TRIP12: variants seen among roughly 807,000 people sequenced by gnomAD.
TRIP12 encodes the protein thyroid hormone receptor interactor 12.
In TRIP12, 25 loss-of-function variants were observed where a neutral mutation model predicts 244.2. The ratio of observed to expected loss-of-function variants is 0.10; its 90% CI spans 0.07 to 0.14. The LOEUF (loss-of-function observed/expected upper bound fraction) is 0.14, where lower values mean the gene tolerates loss of function less well. Ranked by LOEUF, TRIP12 falls within the 10% of genes least tolerant of loss-of-function variation. TRIP12 has a pLI of 1.00. For missense variants in TRIP12, 1,677 were observed against 2,486.4 expected (o/e 0.67, Z 6.92); for synonymous variants, 905 against 873.1 (o/e 1.04, Z -0.64).
chr2:229,874,060 CAG>C (rs2063170530), intron 2 of TRIP12, among the ~76,000 whole-genome samples: 1 of 150,062 alleles, frequency 6.7e-6, no homozygotes, highest in Admixed American at 6.6e-5. Context: ...AAAAAAAAAA[CAG>C]AAAAAAAATT....
At chr2:229,892,786 A>C (rs572742468) in intron 1 of TRIP12, among the ~76,000 whole-genome samples, 1 of 152,222 alleles carries the variant, frequency 6.6e-6, no homozygotes, top group South Asian at 2.1e-4. Flanking sequence ...GGATTGCTTG[A>C]GCCCAGGAGA....
At chr2:229,792,916 T>C in intron 27 of TRIP12, 57 bp downstream of exon 27, 3 of 1,525,644 alleles carry the variant, frequency 2.0e-6, no homozygotes, top group Non-Finnish European at 2.7e-6. Flanking sequence ...TAACTCTTAA[T>C]GTAAATTTCT....
chr2:229,814,396 T>C, intron 11 of TRIP12, 71 bp from the exon 12 acceptor site: 2 of 1,452,082 alleles, frequency 1.4e-6, no homozygotes, highest in Non-Finnish European at 1.9e-6. Flanking sequence ...CTTCTACATA[T>C]TTTCTCTAAT....
upstream of TRIP12, chr2:229,922,281 C>T (rs1040050161): frequency 1.3e-5 from 7 of 552,330 alleles, no homozygotes; most frequent in Admixed American, 3.2e-5. Flanking sequence ...TCACCCCCTC[C>T]CCTCCGTGGT....
chr2:229,814,977 A>G, intron 11 of TRIP12, 122 bp downstream of exon 11: 1 of 726,632 alleles, frequency 1.4e-6, no homozygotes. Flanking sequence ...GATCTGCTGG[A>G]CATAAAACAT....
chr2:229,805,943 C>T (rs2154273660), intron 17 of TRIP12, 60 bp from the exon 18 acceptor site: 1 of 1,365,198 alleles, frequency 7.3e-7, no homozygotes. Context: ...TACCTTAAGA[C>T]ACAGTGGGGA....
chr2:229,837,062 T>G, intron 5 of TRIP12, 78 bp from the exon 6 acceptor site: 1 of 1,339,314 alleles, frequency 7.5e-7, no homozygotes, highest in African/African-American at 1.5e-5. Flanking sequence ...AAGCTCAAAT[T>G]CATGGAGCAC....
chr2:229,875,607 G>C (rs897237585), intron 2 of TRIP12, among the ~76,000 whole-genome samples: 1 of 152,198 alleles, frequency 6.6e-6, no homozygotes, highest in African/African-American at 2.4e-5. Flanking sequence ...GCTATACAAA[G>C]TTGAGCAAGC....
chr2:229,822,994 T>C (rs2050485975), intron 8 of TRIP12, among the ~76,000 whole-genome samples: 1 of 152,078 alleles, frequency 6.6e-6, no homozygotes, highest in South Asian at 2.1e-4. Context: ...AACTGATCAA[T>C]AGGAAGTTTT....
chr2:229,869,416 G>A (rs956969807), intron 2 of TRIP12, among the ~76,000 whole-genome samples: 8 of 152,176 alleles, frequency 5.3e-5, no homozygotes, highest in Non-Finnish European at 8.8e-5. Flanking sequence ...GAGACCACAT[G>A]TCAAAGACAA....
intron 16 of TRIP12, 64 bp downstream of exon 16, chr2:229,808,188 G>A (rs1379811883): frequency 8.2e-6 from 10 of 1,216,472 alleles, no homozygotes; most frequent in East Asian, 2.3e-5. Context: ...GGCTGGTCTC[G>A]AACTCCTGAC....
intron 1 of TRIP12, among the ~76,000 whole-genome samples, chr2:229,884,442 G>A (rs534407): frequency 0.47 from 71,047 of 151,268 alleles, 17,591 homozygotes; most frequent in East Asian, 0.68. Flanking sequence ...TCATCTTGTT[G>A]GCCAGGCTGG....
rs560277151 is a variant in TRIP12, at chr2:229,773,044, A to T, written c.5694+1053T>A. Among the ~76,000 whole-genome samples, 4 of 152,274 alleles carry T rather than the reference A, an allele frequency of 2.6e-5. No homozygotes were observed. The South Asian group carries it at 8.3e-4, about 32-fold the overall frequency. ...ATAAAATTATTTTCCTGAATTTAGC[A>T]AATATAGTCAAGCATCACAAATTAA... On this transcript the variant is annotated intron_variant, in intron 38 of 41. Transcript: ENST00000675903.
At chr2:229,794,217 T>A (rs1575088995) in intron 26 of TRIP12, among the ~76,000 whole-genome samples, 1 of 152,158 alleles carries the variant, frequency 6.6e-6, no homozygotes, top group Non-Finnish European at 1.5e-5. Flanking sequence ...CAAAAATGCA[T>A]ATGGTTTTTA....
chr2:229,848,060 T>C (rs2057938800), intron 4 of TRIP12, among the ~76,000 whole-genome samples: 1 of 152,008 alleles, frequency 6.6e-6, no homozygotes, highest in South Asian at 2.1e-4. Flanking sequence ...TTTGAAACAA[T>C]CTTCTCTGTG....
intron 2 of TRIP12, among the ~76,000 whole-genome samples, chr2:229,865,585 T>C (rs960134753): frequency 8.6e-5 from 13 of 152,024 alleles, no homozygotes; most frequent in African/African-American, 2.9e-4. Context: ...TATAAATGGA[T>C]TGTGGGTTTA....
intron 1 of TRIP12, among the ~76,000 whole-genome samples, chr2:229,892,760 C>T (rs952548233): frequency 6.6e-6 from 1 of 151,912 alleles, no homozygotes; most frequent in Non-Finnish European, 1.5e-5. Context: ...CAGCGACTTT[C>T]GGGGCTGAGG....
chr2:229,905,986 G>A (rs1282749345), intron 1 of TRIP12, among the ~76,000 whole-genome samples: 1 of 152,158 alleles, frequency 6.6e-6, no homozygotes, highest in African/African-American at 2.4e-5. Flanking sequence ...CACCTATATA[G>A]TAACTGTTGA....
At chr2:229,882,407 C>T (rs1457602654) in intron 1 of TRIP12, among the ~76,000 whole-genome samples, 1 of 152,128 alleles carries the variant, frequency 6.6e-6, no homozygotes, top group African/African-American at 2.4e-5. Flanking sequence ...ACCTGGGAAG[C>T]TTTGTCAAAA....
Sources: allele counts gnomAD v4.1 joint callset (sites outside exome capture counted in the v4.1 genomes callset), GRCh38; gene constraint gnomAD v4.1.1; transcripts MANE v1.5; gene names NCBI Gene and HGNC (gene_info 2026-07-23, HGNC 2026-07-21).